The following SPEN variants were observed in gnomAD, a reference collection of about 807,000 sequenced individuals.
SPEN encodes the protein msx2-interacting protein.
SPEN carries 18 observed loss-of-function variants against 269.9 expected under a neutral mutation model. The observed-to-expected ratio is 0.07, with a 90% CI of 0.05 to 0.10. SPEN has a LOEUF of 0.10. Among genes scored for constraint, SPEN ranks in the 10% least tolerant of loss-of-function variants. SPEN has a pLI of 1.00. For synonymous variants in SPEN, 1,726 were observed against 1,765.7 expected, an observed-to-expected ratio of 0.98 and a Z score of 0.56; for missense variants, 3,822 against 4,631.2, an observed-to-expected ratio of 0.83 and a Z score of 5.07.
At chr1:15,874,800 A>G (rs1183143417) in intron 2 of SPEN, among the ~76,000 whole-genome samples, 1 of 152,226 alleles carries the variant, frequency 6.6e-6, no homozygotes, top group Non-Finnish European at 1.5e-5. Context: ...CATTTAATAC[A>G]TTTAAGTAGG....
In SPEN at chr1:15,934,143, C is replaced by G. The variant is rs762625237; in HGVS notation, c.7903C>G (p.Gln2635Glu). The change falls in exon 11 of 15, where the codon CAG becomes GAG. Residue 2635 changes from glutamine (Q) to glutamate (E), a missense_variant. Gln to Glu is a conservative substitution (Grantham distance 29). This residue lies in a region of SPEN where 329 missense variants were observed against 431.2 expected (regional missense o/e 0.76). Transcript: ENST00000375759. The surrounding 1 kb of genome is among the most constrained non-coding windows in gnomAD (Gnocchi z 9.2). Reference protein sequence around the residue: ...MPVSIDLENSQKITLAKPAPQ... With the variant: ...MPVSIDLENSEKITLAKPAPQ... ...TGTCAGCATTGACCTGGAAAATTCA[C>G]AGAAGATAACCTTGGCAAAACCAGC... is the stretch of plus-strand genomic sequence containing the variant. 2 of 1,614,190 alleles carry G rather than the reference C, an allele frequency of 1.2e-6. No homozygotes were observed. Among genetic ancestry groups the G allele is most frequent in the Admixed American group, 3.3e-5 (2 of 60,022 alleles).
chr1:15,877,474 C>A (rs1189230454), intron 3 of SPEN, among the ~76,000 whole-genome samples: 1 of 152,152 alleles, frequency 6.6e-6, no homozygotes, highest in Non-Finnish European at 1.5e-5. Context: ...CCATGTTGGC[C>A]AGGCTGTTCT....
At chr1:15,851,609 A>T (rs2070336632) in intron 1 of SPEN, among the ~76,000 whole-genome samples, 2 of 152,200 alleles carry the variant, frequency 1.3e-5, no homozygotes, top group Non-Finnish European at 2.9e-5. Flanking sequence ...TTGCGAATTT[A>T]GTTCTTCCCA....
chr1:15,938,992 C>T, intron 14 of SPEN, 116 bp downstream of exon 14: 3 of 1,348,040 alleles, frequency 2.2e-6, no homozygotes, highest in Admixed American at 4.2e-5. Context: ...GGCAAAGGGG[C>T]ATTTTGGACA....
chr1:15,919,182 C>T, intron 7 of SPEN, 131 bp downstream of exon 7: 1 of 820,030 alleles, frequency 1.2e-6, no homozygotes, highest in Non-Finnish European at 1.9e-6. Flanking sequence ...AAGTGATATA[C>T]TTCTTTGCAT....
At position 15,909,333 on chromosome 1, in the gene SPEN, CAGT is replaced by C; in HGVS notation, c.898_900del (p.Ser302del). 2 of 1,610,614 alleles carry C rather than the reference CAGT, an allele frequency of 1.2e-6. No individual in the cohort carries two copies. Among genetic ancestry groups the C allele is most frequent in the Non-Finnish European group, 1.7e-6 (2 of 1,178,882 alleles). On this transcript the variant is annotated inframe_deletion, in exon 4 of 15. Transcript: ENST00000375759. ...TGCCTTTTTGCAGCAGTGATTCCAG[CAGT>C]AGTTCAAGTGATGATTCTCCAGCTC... is the stretch of plus-strand genomic sequence containing the variant.
chr1:15,937,880 C>T lies in SPEN; in HGVS notation c.10578C>T (p.Phe3526=), dbSNP rs773534428. 74 of 1,614,064 alleles carry T rather than the reference C, an allele frequency of 4.6e-5. No individual in the cohort carries two copies. The highest frequency in any genetic ancestry group is 6.7e-5 in the African/African-American group (5 of 74,938). Residue 3526 remains phenylalanine, a synonymous_variant, in exon 13 of 15, where the codon TTC becomes TTT. Transcript: ENST00000375759. This position sits in a 1 kb window ranked among gnomAD's most constrained non-coding sequence, Gnocchi z 5.7. The part of the protein sequence containing the change: ...KNDTAAVQLH[F]VSGNNVLAHR... ...ACACAGCTGCTGTGCAGCTCCACTT[C>T]GTCTCTGGCAACAACGTCCTGGCCC... is the stretch of plus-strand genomic sequence containing the variant.
intron 13 of SPEN, 54 bp downstream of exon 13, chr1:15,938,060 T>C (rs913252612): frequency 1.3e-6 from 2 of 1,483,500 alleles, no homozygotes; most frequent in Non-Finnish European, 1.8e-6. Context: ...GAGGAAGACG[T>C]AGGTAGTCCC....
chr1:15,926,350 A>C (rs1009425709), intron 10 of SPEN, among the ~76,000 whole-genome samples: 1 of 151,936 alleles, frequency 6.6e-6, no homozygotes, highest in Non-Finnish European at 1.5e-5. Context: ...GTGAGCCGAG[A>C]TTGTGCCACT....
Position 15,930,613 on chromosome 1 carries a change from G to A in SPEN, c.4373G>A (p.Arg1458His), listed in dbSNP as rs770452791. 5 of 1,614,140 alleles carry A rather than the reference G, an allele frequency of 3.1e-6. No homozygotes were observed. Among genetic ancestry groups the A allele is most frequent in the East Asian group, 2.2e-5 (1 of 44,880 alleles). Reference protein sequence around the residue: ...LERAKSLSSSREENWSFLDWD... With the variant: ...LERAKSLSSSHEENWSFLDWD... ...AGAGCTAAATCCCTCTCTTCATCTC[G>A]TGAAGAAAATTGGTCTTTTCTTGAT... Residue 1458 changes from arginine (R) to histidine (H), a missense_variant, in exon 11 of 15, where the codon CGT becomes CAT. By Grantham distance (29) the Arg-to-His change is conservative. Around this residue, in one of 16 missense-constraint regions of SPEN, gnomAD observed 267 missense variants for 315.5 expected, o/e 0.85. Coordinates refer to ENST00000375759, the MANE Select transcript of SPEN (RefSeq NM_015001.3). The surrounding 1 kb of genome is among the most constrained non-coding windows in gnomAD (Gnocchi z 5.3).
chr1:15,885,733 T>C (rs1211268087), intron 3 of SPEN, among the ~76,000 whole-genome samples: 1 of 152,236 alleles, frequency 6.6e-6, no homozygotes, highest in Non-Finnish European at 1.5e-5. Flanking sequence ...TGCTTAATGC[T>C]ATTTTGGTAC....
chr1:15,880,453 CTTT>C (rs371820417), intron 3 of SPEN, among the ~76,000 whole-genome samples: 3 of 110,950 alleles, frequency 2.7e-5, no homozygotes, highest in Non-Finnish European at 3.6e-5. Flanking sequence ...GTAATTATAG[CTTT>C]TTTTTTTTTT....
At chr1:15,901,855 C>T (rs1224212842) in intron 3 of SPEN, among the ~76,000 whole-genome samples, 1 of 150,056 alleles carries the variant, frequency 6.7e-6, no homozygotes, top group Non-Finnish European at 1.5e-5. Context: ...GAAATTTAAA[C>T]TTTAAAATTT....
chr1:15,914,290 G>A (rs1017027622), intron 5 of SPEN, among the ~76,000 whole-genome samples: 2 of 152,172 alleles, frequency 1.3e-5, no homozygotes, highest in African/African-American at 4.8e-5. Context: ...AAAAATACCA[G>A]TGTTGTTGAC....
At chr1:15,909,253 A>G in intron 3 of SPEN, 68 bp from the exon 4 acceptor site, 1 of 1,527,600 alleles carries the variant, frequency 6.5e-7, no homozygotes, top group Non-Finnish European at 8.8e-7. Context: ...TATTTTAAGA[A>G]GTTTTCTAAT....
chr1:15,916,436 T>C (rs889680861), intron 6 of SPEN, among the ~76,000 whole-genome samples, 157 bp downstream of exon 6: 12 of 152,188 alleles, frequency 7.9e-5, no homozygotes, highest in East Asian at 1.9e-4. Flanking sequence ...GAGAATCCCA[T>C]TGGGTATGGT....
At position 15,850,890 on chromosome 1, in the gene SPEN, T is replaced by C. The variant is rs544621678; in HGVS notation, c.83+2740T>C. Among the ~76,000 whole-genome samples the C allele has an allele frequency of 2.0e-5, 3 of 152,348 alleles. No homozygotes were observed. The South Asian group carries it at 6.2e-4, about 32-fold the overall frequency. On this transcript the variant is annotated intron_variant, in intron 1 of 14. Coordinates refer to ENST00000375759, the MANE Select transcript of SPEN (RefSeq NM_015001.3). The stretch of plus-strand genomic sequence containing the variant: ...AAACTGAACTTTAAGTGCCTACTCT[T>C]ATCCTTTTCCCTAGCTGATTACATT...
Position 15,932,022 on chromosome 1 carries a change from A to G in SPEN, c.5782A>G (p.Arg1928Gly). The G allele has an allele frequency of 1.2e-6, 2 of 1,614,254 alleles. No homozygotes were observed. The highest frequency in any genetic ancestry group is 1.7e-6 in the Non-Finnish European group (2 of 1,180,044). ...SPVKEPVEQP[R>G]VTRKRLEREL... ...TGTCAAAGAGCCCGTTGAGCAACCA[A>G]GAGTGACCAGAAAGAGATTGGAGCG... The change falls in exon 11 of 15, where the codon AGA becomes GGA. Residue 1928 changes from arginine (R) to glycine (G), a missense_variant. Transcript: ENST00000375759. This position sits in a 1 kb window ranked among gnomAD's most constrained non-coding sequence, Gnocchi z 4.2.
chr1:15,907,845 G>GT (rs974558528), intron 3 of SPEN, among the ~76,000 whole-genome samples: 1 of 152,098 alleles, frequency 6.6e-6, no homozygotes, highest in Non-Finnish European at 1.5e-5. Context: ...GCATAATAAA[G>GT]TTTTTTTCTA....
Sources: allele counts gnomAD v4.1 joint callset (sites outside exome capture counted in the v4.1 genomes callset), GRCh38; gene constraint gnomAD v4.1.1; regional missense constraint gnomAD v4.1.1; non-coding constraint Gnocchi (gnomAD v3.1); transcripts MANE v1.5; gene names NCBI Gene and HGNC (gene_info 2026-07-23, HGNC 2026-07-21).